Variants in FAM20A observed in about 807,000 individuals in gnomAD.
FAM20A encodes the protein FAM20A golgi associated secretory pathway pseudokinase, also known as pseudokinase FAM20A.
A neutral mutation model predicts 52.0 loss-of-function variants in FAM20A; 42 were observed. That is an observed-to-expected ratio of 0.81 (90% CI 0.63 to 1.04). The LOEUF is 1.04. FAM20A is among the 50% of genes least tolerant of loss of function. The pLI is 0.00. For synonymous variants in FAM20A, 304 were observed against 298.9 expected, an observed-to-expected ratio of 1.02 and a Z score of -0.18; for missense variants, 742 against 712.7, an observed-to-expected ratio of 1.04 and a Z score of -0.47.
rs1390851706 is a variant in FAM20A at position 68,555,760 on chromosome 17, G to GT, written c.405-18dup. On this transcript the variant is annotated splice_polypyrimidine_tract_variant and intron_variant, in intron 1 of 10. Coordinates refer to ENST00000592554, the MANE Select transcript of FAM20A (RefSeq NM_017565.4). ...TTGTGTCGCCTGAAAGAGCCAGATA[G>GT]TTGTTCATTAGAGGAACAAGAATGC... 2 of 1,614,018 alleles carry GT rather than the reference G, an allele frequency of 1.2e-6. No individual in the cohort carries two copies. The highest frequency in any genetic ancestry group is 1.7e-6 in the Non-Finnish European group (2 of 1,179,992).
chr17:68,600,497 G>C lies in FAM20A; in HGVS notation c.170C>G (p.Ser57Trp). The stretch of plus-strand genomic sequence containing the variant: ...GCCGGGGTCCGAGGCAGCTGCGGCC[G>C]AGTCCCGCGCCAGGGAGGAGGCGCG... Reference protein sequence around the residue: ...TGRASSLARDSAAAASDPGTI... With the variant: ...TGRASSLARDWAAAASDPGTI... Residue 57 changes from serine to tryptophan, a missense_variant, in exon 1 of 11, where the codon TCG (serine) becomes TGG (tryptophan). By Grantham distance (177) the Ser-to-Trp change is radical (BLOSUM62 -3). Coordinates refer to ENST00000592554, the MANE Select transcript of FAM20A (RefSeq NM_017565.4). The surrounding 1 kb of genome is among the most constrained non-coding windows in gnomAD (Gnocchi z 6.2). The C allele has an allele frequency of 6.3e-7, 1 of 1,592,526 alleles. No homozygotes were observed. Among genetic ancestry groups the C allele is most frequent in the East Asian group, 2.3e-5 (1 of 43,624 alleles).
chr17:68,571,595 T>C (rs1015642039), intron 1 of FAM20A, among the ~76,000 whole-genome samples: 1 of 152,212 alleles, frequency 6.6e-6, no homozygotes, highest in African/African-American at 2.4e-5. Context: ...TTAAATTAAA[T>C]CTTGCATCTG....
intron 1 of FAM20A, among the ~76,000 whole-genome samples, chr17:68,573,172 T>G (rs571928861): frequency 1.3e-5 from 2 of 152,308 alleles, no homozygotes; most frequent in South Asian, 4.1e-4. Context: ...GGGGAAAGGG[T>G]GGGAGAGGCA....
chr17:68,596,748 A>T (rs531504007), intron 1 of FAM20A, among the ~76,000 whole-genome samples: 12 of 152,332 alleles, frequency 7.9e-5, no homozygotes, highest in African/African-American at 2.6e-4. Flanking sequence ...ATGTGTCATC[A>T]TGCTTGATGG....
chr17:68,542,876 C>T lies in FAM20A; in HGVS notation c.813-67G>A, dbSNP rs576833825. 44 of 1,249,426 alleles carry T rather than the reference C, an allele frequency of 3.5e-5. No individual in the cohort carries two copies. The Admixed American group carries it at 5.6e-4, about 16-fold the overall frequency. The allele number at this position is 1,249,426 out of a possible 1,614,324, so 77.4% of individuals were successfully genotyped here. On this transcript the variant is annotated intron_variant, in intron 5 of 10. Transcript: ENST00000592554. ...GGAGTGAGGAGGAGGGGTTTTGTCCCCCGGCCAGTGCACATTAGGAATTGG... is the reference window on the plus strand; with the variant it reads ...GGAGTGAGGAGGAGGGGTTTTGTCCTCCGGCCAGTGCACATTAGGAATTGG...
intron 1 of FAM20A, among the ~76,000 whole-genome samples, chr17:68,569,197 C>T (rs1406591179): frequency 6.6e-6 from 1 of 152,144 alleles, no homozygotes; most frequent in Non-Finnish European, 1.5e-5. Context: ...ATCCTGGAGT[C>T]AGAATTCCAG....
chr17:68,582,870 T>C (rs2088051556), intron 1 of FAM20A, among the ~76,000 whole-genome samples: 1 of 137,758 alleles, frequency 7.3e-6, no homozygotes, highest in Admixed American at 8.2e-5. Flanking sequence ...CTAGGCTCAC[T>C]GCAACCTCCG....
intron 1 of FAM20A, among the ~76,000 whole-genome samples, chr17:68,556,410 C>T (rs1282162983): frequency 1.3e-5 from 2 of 152,082 alleles, no homozygotes; most frequent in East Asian, 1.9e-4. Context: ...TATGAAATAA[C>T]CAGAGCAAAA....
At position 68,563,575 on chromosome 17, in the gene FAM20A, CT is replaced by C. The variant is rs545885970; in HGVS notation, c.405-7833del. On this transcript the variant is annotated intron_variant, in intron 1 of 10. Transcript: ENST00000592554. ...TCCCCATGTCCGCAGTTTTTAGGGG[CT>C]TTTTTTTTTCTTAAACAAACAAAAC... 1.6e-3 allele frequency among the ~76,000 whole-genome samples: 237 copies of C among 147,912 alleles called. 1 individual carries two copies. Among genetic ancestry groups the C allele is most frequent in the East Asian group, 0.014 (69 of 5,090 alleles).
chr17:68,540,609 G>C (rs143450080), intron 8 of FAM20A: 1 of 609,804 alleles, frequency 1.6e-6, no homozygotes, highest in Non-Finnish European at 3.1e-6. Context: ...ACTCAGGCCC[G>C]TGGCAGGGTG....
intron 1 of FAM20A, among the ~76,000 whole-genome samples, chr17:68,575,444 T>TTATATATAATATATTTTATATATTA (rs1292516663): frequency 8.3e-6 from 1 of 119,842 alleles, no homozygotes; most frequent in East Asian, 2.3e-4. Flanking sequence ...ATTTTATATA[T>TTATATATAATATATTTTATATATTA]TATATATTTT....
Position 68,543,620 on chromosome 17 carries a change from A to G in FAM20A, c.812+9T>C. 2 of 1,613,866 alleles carry G rather than the reference A, an allele frequency of 1.2e-6. No individual in the cohort carries two copies. Among genetic ancestry groups the G allele is most frequent in the South Asian group, 2.2e-5 (2 of 91,080 alleles). On this transcript the variant is annotated intron_variant, in intron 5 of 10. Transcript: ENST00000592554. ...TAGGCAATGCCATCTCCATGGGGCC[A>G]GACCCTACCTGTCCAGATGGAAAGC...
At chr17:68,551,511 G>A (rs1224302630) in intron 4 of FAM20A, among the ~76,000 whole-genome samples, 1 of 152,026 alleles carries the variant, frequency 6.6e-6, no homozygotes, top group Non-Finnish European at 1.5e-5. Context: ...TCTGCTGTTT[G>A]CAGCTGGAAG....
chr17:68,563,570 A>C (rs2087286062), intron 1 of FAM20A, among the ~76,000 whole-genome samples: 1 of 151,256 alleles, frequency 6.6e-6, no homozygotes, highest in African/African-American at 2.4e-5. Context: ...CGCAGTTTTT[A>C]GGGGCTTTTT....
At chr17:68,591,227 C>G (rs2088297850) in intron 1 of FAM20A, among the ~76,000 whole-genome samples, 1 of 152,182 alleles carries the variant, frequency 6.6e-6, no homozygotes. Flanking sequence ...CTGCCTCAGC[C>G]TCCCGAGTAG....
chr17:68,543,800 G>A (rs1475514076), intron 4 of FAM20A, 79 bp from the exon 5 acceptor site: 1 of 1,260,610 alleles, frequency 7.9e-7, no homozygotes, highest in Admixed American at 1.7e-5. Flanking sequence ...AGCATGACCA[G>A]CGAGAAAGGA....
intron 1 of FAM20A, 130 bp from the exon 2 acceptor site, chr17:68,555,873 G>A: frequency 9.0e-7 from 1 of 1,105,070 alleles, no homozygotes; most frequent in South Asian, 1.3e-5. Flanking sequence ...TGAGGGCTAG[G>A]CTTTAAGCTG....
chr17:68,571,203 C>G (rs2087526085), intron 1 of FAM20A, among the ~76,000 whole-genome samples: 1 of 152,172 alleles, frequency 6.6e-6, no homozygotes, highest in Non-Finnish European at 1.5e-5. Context: ...AGAAATGGAA[C>G]AGCAATGAAA....
At chr17:68,554,933 T>A in intron 2 of FAM20A, 106 bp from the exon 3 acceptor site, 1 of 1,192,282 alleles carries the variant, frequency 8.4e-7, no homozygotes, top group Non-Finnish European at 1.2e-6. Context: ...GGGGAGACTG[T>A]GATGTAGCCT....
Sources: gnomAD v4.1 joint callset for allele counts (sites outside exome capture counted in the v4.1 genomes callset) on GRCh38, gnomAD v4.1.1 for gene constraint, Gnocchi (gnomAD v3.1) non-coding constraint, MANE v1.5 for transcripts, NCBI Gene and HGNC (gene_info 2026-07-23, HGNC 2026-07-21) for gene names.